The following HCN1 variants were observed in gnomAD, a reference collection of about 807,000 sequenced individuals.
HCN1 encodes the protein potassium/sodium hyperpolarization-activated cyclic nucleotide-gated channel 1.
HCN1 carries 13 observed loss-of-function variants against 78.9 expected under a neutral mutation model. The observed-to-expected ratio is 0.16, with a 90% confidence interval of 0.11 to 0.26. The LOEUF (loss-of-function observed/expected upper bound fraction) is 0.26, where lower values mean the gene tolerates loss of function less well. Ranked by LOEUF, HCN1 falls within the 10% of genes least tolerant of loss-of-function variation. The pLI is 1.00. For missense variants in HCN1, 810 were observed against 1,154.3 expected, an observed-to-expected ratio of 0.70 and a Z score of 4.32; for synonymous variants, 552 against 455.5, an observed-to-expected ratio of 1.21 and a Z score of -2.70.
chr5:45,657,988 C>A (rs2112051568), intron 1 of HCN1, among the ~76,000 whole-genome samples: 1 of 152,316 alleles, frequency 6.6e-6, no homozygotes, highest in Non-Finnish European at 1.5e-5. Context: ...TGACTTCAAA[C>A]TATACTACAA....
chr5:45,690,718 C>T (rs1293193755), intron 1 of HCN1, among the ~76,000 whole-genome samples: 1 of 151,992 alleles, frequency 6.6e-6, no homozygotes, highest in Non-Finnish European at 1.5e-5. Flanking sequence ...ACTATTTCTA[C>T]AACTAAAATA....
chr5:45,323,926 T>C (rs1442563840), intron 5 of HCN1, among the ~76,000 whole-genome samples: 2 of 152,174 alleles, frequency 1.3e-5, no homozygotes, highest in Non-Finnish European at 2.9e-5. Flanking sequence ...TTCCATGGTG[T>C]ATATGTGCTA....
intron 1 of HCN1, among the ~76,000 whole-genome samples, chr5:45,677,036 T>C (rs1428698585): frequency 6.6e-6 from 1 of 151,836 alleles, no homozygotes; most frequent in Non-Finnish European, 1.5e-5. Flanking sequence ...AGTATTCAGT[T>C]CTGTCTTCAC....
rs1373506537 is a variant in HCN1 at position 45,262,544 on chromosome 5, T to G, written c.2050A>C (p.Ser684Arg). 3.1e-6 allele frequency: 5 copies of G among 1,613,268 alleles called. No homozygotes were observed. The highest frequency in any genetic ancestry group is 1.7e-5 in the Admixed American group (1 of 59,934). Residue 684 changes from serine (S) to arginine (R), a missense_variant, in exon 8 of 8, where the codon AGC becomes CGC. Coordinates refer to ENST00000303230, the MANE Select transcript of HCN1 (RefSeq NM_021072.4). ...SHSNLHSPSP[S>R]TQTPQPSAIL... The stretch of plus-strand genomic sequence containing the variant: ...GCTGATGGCTGGGGGGTCTGTGTGC[T>G]GGGACTGGGGGAGTGCAGGTTGCTG...
intron 2 of HCN1, among the ~76,000 whole-genome samples, chr5:45,468,124 T>C (rs1686346109): frequency 6.6e-6 from 1 of 152,164 alleles, no homozygotes; most frequent in Non-Finnish European, 1.5e-5. Context: ...AATGTGAAGA[T>C]ACTTCAGGCT....
At chr5:45,578,463 G>C (rs986276135) in intron 2 of HCN1, among the ~76,000 whole-genome samples, 1 of 151,960 alleles carries the variant, frequency 6.6e-6, no homozygotes, top group African/African-American at 2.4e-5. Context: ...CTCCTCTCCA[G>C]TGTGTTCAAA....
chr5:45,378,908 T>C (rs927892005), intron 4 of HCN1, among the ~76,000 whole-genome samples: 1 of 152,106 alleles, frequency 6.6e-6, no homozygotes, highest in Non-Finnish European at 1.5e-5. Flanking sequence ...TTGCTGAGAA[T>C]GATGGTTTCC....
At chr5:45,322,217 G>C (rs1239539192) in intron 5 of HCN1, among the ~76,000 whole-genome samples, 1 of 151,802 alleles carries the variant, frequency 6.6e-6, no homozygotes, top group Non-Finnish European at 1.5e-5. Context: ...ACTTAATAAA[G>C]GTGTTAATGG....
chr5:45,542,907 G>A (rs1743135277), intron 2 of HCN1, among the ~76,000 whole-genome samples: 1 of 152,090 alleles, frequency 6.6e-6, no homozygotes, highest in Non-Finnish European at 1.5e-5. Context: ...TTTAGAATAT[G>A]TTTCATTGAA....
chr5:45,345,249 G>GC (rs1240457757), intron 5 of HCN1, among the ~76,000 whole-genome samples: 1 of 152,164 alleles, frequency 6.6e-6, no homozygotes, highest in African/African-American at 2.4e-5. Context: ...CAGCCTGTGG[G>GC]CCCAGCTCAT....
intron 2 of HCN1, among the ~76,000 whole-genome samples, chr5:45,602,440 C>A (rs1468098106): frequency 6.6e-6 from 1 of 152,016 alleles, no homozygotes; most frequent in African/African-American, 2.4e-5. Flanking sequence ...GAAGAGGCTT[C>A]AAAAGAGACA....
intron 2 of HCN1, among the ~76,000 whole-genome samples, chr5:45,568,346 C>A (rs971737848): frequency 2.6e-5 from 4 of 151,772 alleles, no homozygotes; most frequent in Non-Finnish European, 5.9e-5. Flanking sequence ...AGAAAAGCTA[C>A]AAGACCTTGG....
chr5:45,570,815 T>G (rs1324416590), intron 2 of HCN1, among the ~76,000 whole-genome samples: 1 of 152,146 alleles, frequency 6.6e-6, no homozygotes, highest in Non-Finnish European at 1.5e-5. Flanking sequence ...AATTAGATGT[T>G]TCTGACACAA....
chr5:45,530,891 T>C (rs1158691074), intron 2 of HCN1, among the ~76,000 whole-genome samples: 1 of 151,824 alleles, frequency 6.6e-6, no homozygotes, highest in Non-Finnish European at 1.5e-5. Flanking sequence ...ACAACAGGAG[T>C]TACCCAGACA....
At chr5:45,496,563 T>A (rs986891171) in intron 2 of HCN1, among the ~76,000 whole-genome samples, 2 of 152,170 alleles carry the variant, frequency 1.3e-5, no homozygotes, top group Non-Finnish European at 2.9e-5. Flanking sequence ...CCCTTTACCA[T>A]TTTTTATTGC....
intron 1 of HCN1, among the ~76,000 whole-genome samples, chr5:45,665,298 TG>T (rs1360543285): frequency 1.5e-5 from 1 of 67,038 alleles, no homozygotes; most frequent in Non-Finnish European, 2.7e-5. Context: ...GGGACTGTTG[TG>T]GGGTGGGGGG....
chr5:45,393,948 G>T (rs1013033903), intron 4 of HCN1, among the ~76,000 whole-genome samples: 5 of 152,068 alleles, frequency 3.3e-5, no homozygotes, highest in Non-Finnish European at 7.4e-5. Flanking sequence ...GAGATCAGGG[G>T]GTAAGGTGAG....
chr5:45,531,379 G>A (rs746146854), intron 2 of HCN1, among the ~76,000 whole-genome samples: 2 of 152,038 alleles, frequency 1.3e-5, no homozygotes, highest in African/African-American at 4.8e-5. Flanking sequence ...TGAAATAGGG[G>A]ACTCTGCTCA....
chr5:45,660,332 C>T (rs1745902936), intron 1 of HCN1, among the ~76,000 whole-genome samples: 1 of 109,398 alleles, frequency 9.1e-6, no homozygotes. Context: ...ACAACCGGTA[C>T]CAGCCGCTGC....
Sources: gnomAD v4.1 joint callset for allele counts (sites outside exome capture counted in the v4.1 genomes callset) on GRCh38, gnomAD v4.1.1 for gene constraint, MANE v1.5 for transcripts, NCBI Gene and HGNC (gene_info 2026-07-23, HGNC 2026-07-21) for gene names.